Variants in SFMBT2 observed in about 807,000 individuals in gnomAD.
SFMBT2 encodes the protein Scm like with four mbt domains 2.
A neutral mutation model predicts 110.1 loss-of-function variants in SFMBT2; 38 were observed. The ratio of observed to expected loss-of-function variants is 0.35; its 90% CI spans 0.27 to 0.45. SFMBT2 has a LOEUF of 0.45. Ranked by LOEUF, SFMBT2 falls within the 20% of genes least tolerant of loss-of-function variation. The pLI is 1.00. For missense variants in SFMBT2, 1,011 were observed against 1,094.9 expected, an observed-to-expected ratio of 0.92 and a Z score of 1.08; for synonymous variants, 425 against 425.4, an observed-to-expected ratio of 1.00 and a Z score of 0.01.
chr10:7,367,976 A>C lies in SFMBT2; in HGVS notation c.196-87T>G, dbSNP rs1564461511. 2 of 1,512,124 alleles carry C rather than the reference A, an allele frequency of 1.3e-6. No individual in the cohort carries two copies. The highest frequency in any genetic ancestry group is 1.8e-6 in the Non-Finnish European group (2 of 1,124,404). 93.7% of individuals were successfully genotyped at this position (1,512,124 alleles called of 1,614,324 possible). A position where few individuals can be genotyped will look rare whatever the true frequency, so the allele number is the denominator to read the frequency against. On this transcript the variant is annotated intron_variant, in intron 3 of 20. Coordinates refer to ENST00000397167, the MANE Select transcript of SFMBT2 (RefSeq NM_001387889.1). The surrounding 1 kb of genome is among the most constrained non-coding windows in gnomAD (Gnocchi z 6.2). The stretch of plus-strand genomic sequence containing the variant: ...GACAAAAACCACTAAAAAATATGGC[A>C]CTTACAAACAATATTCCTGTTGCTC...
At chr10:7,230,806 G>A (rs1840094120) in intron 9 of SFMBT2, among the ~76,000 whole-genome samples, 1 of 152,034 alleles carries the variant, frequency 6.6e-6, no homozygotes, top group African/African-American at 2.4e-5. Flanking sequence ...GGTGGTGCAT[G>A]CCTGTAATCC....
At chr10:7,294,838 T>TC (rs1842358087) in intron 4 of SFMBT2, among the ~76,000 whole-genome samples, 1 of 152,216 alleles carries the variant, frequency 6.6e-6, no homozygotes, top group South Asian at 2.1e-4. Flanking sequence ...TATGAAACTG[T>TC]CTTTTTCCTT....
chr10:7,297,754 T>A (rs1274881953), intron 4 of SFMBT2, among the ~76,000 whole-genome samples: 1 of 152,248 alleles, frequency 6.6e-6, no homozygotes, highest in Non-Finnish European at 1.5e-5. Context: ...GAAAACTGAA[T>A]TCAGTGTTAA....
In SFMBT2 at chr10:7,163,873, G is replaced by C. The variant is rs759241379; in HGVS notation, c.2582C>G (p.Pro861Arg). 1.2e-6 allele frequency: 2 copies of C among 1,613,934 alleles called. No homozygotes were observed. Among genetic ancestry groups the C allele is most frequent in the African/African-American group, 2.7e-5 (2 of 74,910 alleles). ...CAGCTCCATGCACTCCTGCACCGTC[G>C]GAAGGGTCAGAAGCAGGAGTGCTTG... ...DGQALLLLTL[P>R]TVQECMELKL... Residue 861 changes from proline (P) to arginine (R), a missense_variant, in exon 21 of 21, where the codon CCG (proline) becomes CGG (arginine). Physicochemically the swap from Pro to Arg is moderately radical, Grantham distance 103. This residue lies in a region of SFMBT2 where 32 missense variants were observed against 78.8 expected (regional missense o/e 0.41). Transcript: ENST00000397167. The surrounding 1 kb of genome is among the most constrained non-coding windows in gnomAD (Gnocchi z 4.8).
intron 4 of SFMBT2, among the ~76,000 whole-genome samples, chr10:7,349,931 G>A (rs755548775): frequency 6.6e-6 from 1 of 152,092 alleles, no homozygotes; most frequent in Admixed American, 6.6e-5. Flanking sequence ...ATGTCCCTAT[G>A]GGAAGCCAAC....
intron 16 of SFMBT2, among the ~76,000 whole-genome samples, chr10:7,187,340 A>G (rs768819487): frequency 6.6e-6 from 1 of 152,224 alleles, no homozygotes; most frequent in Non-Finnish European, 1.5e-5. Flanking sequence ...AAAATGTGCC[A>G]CTACTGCTAA....
At chr10:7,186,789 A>T (rs1377884002) in intron 16 of SFMBT2, among the ~76,000 whole-genome samples, 1 of 152,250 alleles carries the variant, frequency 6.6e-6, no homozygotes, top group Admixed American at 6.5e-5. Context: ...AGAAGGGAAG[A>T]GGTGACTCAA....
intron 4 of SFMBT2, among the ~76,000 whole-genome samples, chr10:7,322,497 C>A (rs1303565799): frequency 3.3e-5 from 5 of 152,002 alleles, no homozygotes; most frequent in Non-Finnish European, 7.4e-5. Context: ...CAATGACTGC[C>A]CTATATACAG....
chr10:7,238,207 G>A (rs961155323), intron 9 of SFMBT2, among the ~76,000 whole-genome samples: 8 of 152,322 alleles, frequency 5.3e-5, no homozygotes, highest in South Asian at 2.1e-4. Flanking sequence ...GCAGGAACCA[G>A]GTGAGACTCA....
rs1282510831 is a variant in SFMBT2 at position 7,171,293 on chromosome 10, C to T, written c.2416-237G>A. ...AGATGGAAGAAGGCAGGCACAGTGA[C>T]AGTCGCTCTTGCATCCCTAGTTCAG... On this transcript the variant is annotated intron_variant, in intron 19 of 20. Coordinates refer to ENST00000397167, the MANE Select transcript of SFMBT2 (RefSeq NM_001387889.1). This position sits in a 1 kb window ranked among gnomAD's most constrained non-coding sequence, Gnocchi z 4.9. 72 of 827,960 alleles carry T rather than the reference C, an allele frequency of 8.7e-5. No individual in the cohort carries two copies. The highest frequency in any genetic ancestry group is 8.7e-6 in the Non-Finnish European group (6 of 686,436). 51.3% of individuals were successfully genotyped at this position (827,960 alleles called of 1,614,324 possible).
intron 7 of SFMBT2, among the ~76,000 whole-genome samples, chr10:7,253,254 G>C (rs949232051): frequency 6.6e-6 from 1 of 152,144 alleles, no homozygotes; most frequent in African/African-American, 2.4e-5. Context: ...TGCTCTGTGA[G>C]GCCTTCTGGA....
Position 7,390,970 on chromosome 10 carries a change from C to T in SFMBT2, c.-51-9021G>A, listed in dbSNP as rs550295439. On this transcript the variant is annotated intron_variant, in intron 1 of 20. Coordinates refer to ENST00000397167, the MANE Select transcript of SFMBT2 (RefSeq NM_001387889.1). ...CAAAAATTAGCAGGGCTTGGTGGCACGTGTCTGTCATCCCAGCTACTTGAG... is the reference window on the plus strand; with the variant it reads ...CAAAAATTAGCAGGGCTTGGTGGCATGTGTCTGTCATCCCAGCTACTTGAG... 6.3e-4 allele frequency among the ~76,000 whole-genome samples: 96 copies of T among 151,902 alleles called. 1 individual carries two copies. Among genetic ancestry groups the T allele is most frequent in the African/African-American group, 1.8e-3 (74 of 41,424 alleles).
chr10:7,317,636 C>T (rs1843056700), intron 4 of SFMBT2, among the ~76,000 whole-genome samples: 2 of 26,880 alleles, frequency 7.4e-5, no homozygotes, highest in East Asian at 1.3e-3. Flanking sequence ...AACAAAACTC[C>T]GTCTCAAAAA....
In SFMBT2 at chr10:7,405,392, T is replaced by C. The variant is rs1421878343; in HGVS notation, c.-52+5469A>G. 3.9e-5 allele frequency among the ~76,000 whole-genome samples: 6 copies of C among 152,222 alleles called. No individual in the cohort carries two copies. In the South Asian group the frequency reaches 6.2e-4, roughly 16 times the overall value. On this transcript the variant is annotated intron_variant, in intron 1 of 20. Coordinates refer to ENST00000397167, the MANE Select transcript of SFMBT2 (RefSeq NM_001387889.1). ...CAGTCCATACCTTTATGGGGTTATG[T>C]GGGAAGGCCACATATGTATAAGCCT...
chr10:7,214,483 A>G, intron 11 of SFMBT2: 1 of 861,666 alleles, frequency 1.2e-6, no homozygotes. Context: ...CGCATTTCTT[A>G]AGATGGGCAA....
chr10:7,393,323 GC>G (rs1449252182), intron 1 of SFMBT2, among the ~76,000 whole-genome samples: 1 of 151,942 alleles, frequency 6.6e-6, no homozygotes, highest in Non-Finnish European at 1.5e-5. Context: ...GAGTCACCAT[GC>G]CCGGCCTCAT....
In SFMBT2 at chr10:7,250,181, C is replaced by T. The variant is rs2762601; in HGVS notation, c.871-1532G>A. ...TACACAGGTTTGTTACATGGGCATA[C>T]TATACTCAGGTAGTGAACATAGTAC... On this transcript the variant is annotated intron_variant, in intron 7 of 20. Coordinates refer to ENST00000397167, the MANE Select transcript of SFMBT2 (RefSeq NM_001387889.1). Among the ~76,000 whole-genome samples, 1,265 of 152,232 alleles carry T rather than the reference C, an allele frequency of 8.3e-3. 24 individuals carry two copies. The highest frequency in any genetic ancestry group is 0.028 in the African/African-American group (1,171 of 41,518).
intron 4 of SFMBT2, among the ~76,000 whole-genome samples, chr10:7,339,648 C>T (rs927769319): frequency 6.6e-6 from 1 of 152,156 alleles, no homozygotes; most frequent in African/African-American, 2.4e-5. Flanking sequence ...AAAAGGCATC[C>T]GCTGACAGAT....
In SFMBT2 at chr10:7,172,265, G is replaced by C; in HGVS notation, c.2152-107C>G. 6.8e-7 allele frequency: 1 copy of C among 1,463,590 alleles called. No individual in the cohort carries two copies. Among genetic ancestry groups the C allele is most frequent in the Non-Finnish European group, 9.0e-7 (1 of 1,110,040 alleles). 90.7% of individuals were successfully genotyped at this position (1,463,590 alleles called of 1,614,324 possible). On this transcript the variant is annotated intron_variant, in intron 18 of 20. Coordinates refer to ENST00000397167, the MANE Select transcript of SFMBT2 (RefSeq NM_001387889.1). The surrounding 1 kb of genome is among the most constrained non-coding windows in gnomAD (Gnocchi z 4.6). ...GTGCAGACCACCTAGCAAACCCTCG[G>C]AAATGGAGCCAGTGGTCCCACCCGT...
Sources: allele counts gnomAD v4.1 joint callset (sites outside exome capture counted in the v4.1 genomes callset), GRCh38; gene constraint gnomAD v4.1.1; regional missense constraint gnomAD v4.1.1; non-coding constraint Gnocchi (gnomAD v3.1); transcripts MANE v1.5; gene names NCBI Gene and HGNC (gene_info 2026-07-23, HGNC 2026-07-21).